The following GLIS3 variants were observed in gnomAD, a reference collection of about 807,000 sequenced individuals.
GLIS3 encodes GLIS family zinc finger 3.
Under a neutral mutation model 78.6 loss-of-function variants are expected in GLIS3, and 53 were observed. That is an observed-to-expected ratio of 0.67 (90% CI 0.54 to 0.85). The LOEUF (loss-of-function observed/expected upper bound fraction) is 0.85, where lower values mean the gene tolerates loss of function less well. Ranked by LOEUF, GLIS3 falls within the 40% of genes least tolerant of loss-of-function variation. GLIS3 has a pLI of 0.00. For missense variants in GLIS3, 1,703 were observed against 1,231.1 expected (o/e 1.38, Z -5.74); for synonymous variants, 684 against 509.9 (o/e 1.34, Z -4.60).
chr9:4,172,233 C>G (rs1816434276), intron 2 of GLIS3, among the ~76,000 whole-genome samples: 1 of 152,164 alleles, frequency 6.6e-6, no homozygotes, highest in Admixed American at 6.5e-5. Flanking sequence ...TTCTTACTAT[C>G]AGTGAGCTTT....
At chr9:4,395,817 G>A in the GLIS3 span, among the ~76,000 whole-genome samples, 11 of 141,720 alleles carry the variant, frequency 7.8e-5, no homozygotes, top group African/African-American at 1.0e-4. Flanking sequence ...CTCTGTCACC[G>A]GGCTGGAGTG....
chr9:4,374,444 A>G, the GLIS3 span, among the ~76,000 whole-genome samples: 1 of 152,232 alleles, frequency 6.6e-6, no homozygotes, highest in Non-Finnish European at 1.5e-5. Context: ...TCTAATATGG[A>G]TAGGATTTCC....
chr9:4,020,911 T>C (rs1185903725), intron 4 of GLIS3, among the ~76,000 whole-genome samples: 1 of 152,092 alleles, frequency 6.6e-6, no homozygotes, highest in Non-Finnish European at 1.5e-5. Context: ...CAAATCAACT[T>C]CCACCTGCAC....
the GLIS3 span, among the ~76,000 whole-genome samples, chr9:4,474,736 AC>A: frequency 7.1e-6 from 1 of 140,974 alleles, no homozygotes; most frequent in African/African-American, 2.7e-5. Flanking sequence ...TTGTTCTGTC[AC>A]CCAGGCTGGA....
chr9:4,351,274 G>T (rs1435267274), upstream of GLIS3, among the ~76,000 whole-genome samples: 1 of 151,954 alleles, frequency 6.6e-6, no homozygotes, highest in Middle Eastern at 3.2e-3. Context: ...AATTAACTGG[G>T]TGTGGTTATA....
chr9:3,960,517 C>A (rs1030782369), intron 4 of GLIS3, among the ~76,000 whole-genome samples: 6 of 152,104 alleles, frequency 3.9e-5, no homozygotes, highest in Non-Finnish European at 8.8e-5. Flanking sequence ...AGTCTCCATG[C>A]AGGCAGGGGT....
rs138577122 is a variant in GLIS3 at position 4,112,406 on chromosome 9, C to A, written c.1710+5362G>T. Among the ~76,000 whole-genome samples, 208 of 152,326 alleles carry A rather than the reference C, an allele frequency of 1.4e-3. 1 individual carries two copies. Among genetic ancestry groups the A allele is most frequent in the Middle Eastern group, 3.4e-3 (1 of 294 alleles). Reference sequence around the variant, plus strand: ...TCTACTAAACACTACATCCCTGCATCTTAACAGAAGTAACAGGGTAGGCTT... The same window carrying A: ...TCTACTAAACACTACATCCCTGCATATTAACAGAAGTAACAGGGTAGGCTT... On this transcript the variant is annotated intron_variant, in intron 4 of 10. Coordinates refer to ENST00000381971, the MANE Select transcript of GLIS3 (RefSeq NM_001042413.2).
the GLIS3 span, among the ~76,000 whole-genome samples, chr9:4,477,819 C>T: frequency 1.3e-5 from 2 of 152,002 alleles, no homozygotes; most frequent in African/African-American, 2.4e-5. Context: ...TACTTAATGC[C>T]ACCAAACTGT....
At chr9:4,132,862 G>A (rs925361221) in intron 2 of GLIS3, among the ~76,000 whole-genome samples, 3 of 152,156 alleles carry the variant, frequency 2.0e-5, no homozygotes, top group East Asian at 1.9e-4. Context: ...CTTGCCTCCC[G>A]CCCTTACTGG....
chr9:4,478,388 A>T, the GLIS3 span, among the ~76,000 whole-genome samples: 1 of 152,136 alleles, frequency 6.6e-6, no homozygotes, highest in African/African-American at 2.4e-5. Flanking sequence ...AAGGCGGGAG[A>T]TCACTTGAGG....
intron 2 of GLIS3, among the ~76,000 whole-genome samples, chr9:4,192,819 A>G (rs77295618): frequency 1.7e-4 from 26 of 151,994 alleles, no homozygotes; most frequent in Admixed American, 3.3e-4. Flanking sequence ...AAAAAAAAAA[A>G]AAGAAGAAGA....
chr9:3,980,198 TCCAACACAG>T (rs1260627231), intron 4 of GLIS3, among the ~76,000 whole-genome samples: 1 of 152,192 alleles, frequency 6.6e-6, no homozygotes, highest in Non-Finnish European at 1.5e-5. Flanking sequence ...AAAATTTTTT[TCCAACACAG>T]CTTCTAGTGT....
intron 2 of GLIS3, among the ~76,000 whole-genome samples, chr9:4,240,418 C>A (rs1183536170): frequency 6.6e-6 from 1 of 152,108 alleles, no homozygotes; most frequent in African/African-American, 2.4e-5. Flanking sequence ...GGACCCAGTT[C>A]CTAACAGGCT....
intron 4 of GLIS3, among the ~76,000 whole-genome samples, chr9:4,098,551 G>A (rs1260876414): frequency 2.0e-5 from 3 of 152,128 alleles, no homozygotes; most frequent in Non-Finnish European, 1.5e-5. Flanking sequence ...TAATTGGATG[G>A]GAACTAAGGC....
At chr9:3,924,057 C>T (rs1171124718) in intron 6 of GLIS3, among the ~76,000 whole-genome samples, 2 of 152,214 alleles carry the variant, frequency 1.3e-5, no homozygotes, top group East Asian at 1.9e-4. Context: ...AGTCAATAAC[C>T]CCTGAATATA....
the GLIS3 span, among the ~76,000 whole-genome samples, chr9:4,414,402 C>G: frequency 4.6e-5 from 7 of 152,180 alleles, no homozygotes; most frequent in Admixed American, 3.3e-4. Context: ...CTAGGCCCAA[C>G]ACTTACCACC....
intron 4 of GLIS3, chr9:4,036,073 C>T (rs1306849216): frequency 6.6e-6 from 1 of 152,226 alleles, no homozygotes; most frequent in Admixed American, 6.5e-5. Context: ...CTGAAAGATT[C>T]AAGGTCATCT....
At chr9:4,227,115 C>G (rs1026275276) in intron 2 of GLIS3, among the ~76,000 whole-genome samples, 2 of 152,046 alleles carry the variant, frequency 1.3e-5, no homozygotes, top group Non-Finnish European at 2.9e-5. Context: ...CAGATGGGCA[C>G]GGGCACAGAA....
At chr9:4,127,805 A>G (rs1832686498) in intron 2 of GLIS3, among the ~76,000 whole-genome samples, 1 of 152,208 alleles carries the variant, frequency 6.6e-6, no homozygotes, top group Non-Finnish European at 1.5e-5. Flanking sequence ...ATATTTATCT[A>G]AGGAACTCAG....
Sources: gnomAD v4.1 joint callset for allele counts (sites outside exome capture counted in the v4.1 genomes callset) on GRCh38, gnomAD v4.1.1 for gene constraint, MANE v1.5 for transcripts, NCBI Gene and HGNC (gene_info 2026-07-23, HGNC 2026-07-21) for gene names.